The following ADGRL4 variants were observed in gnomAD, a reference collection of about 807,000 sequenced individuals.
ADGRL4 encodes the protein EGF, latrophilin and seven transmembrane domain containing 1.
Under a neutral mutation model 74.8 loss-of-function variants are expected in ADGRL4, and 90 were observed. The observed-to-expected ratio is 1.20, with a 90% CI of 1.02 to 1.43. The LOEUF (loss-of-function observed/expected upper bound fraction) is 1.43. Among genes scored for constraint, ADGRL4 ranks in the 40% most tolerant of loss-of-function variants. The probability of loss-of-function intolerance (pLI) is 0.00; values close to 1 mark genes in which losing one functional copy is unlikely to be tolerated. For missense variants in ADGRL4, 881 were observed against 814.3 expected, an observed-to-expected ratio of 1.08 and a Z score of -1.00; for synonymous variants, 311 against 279.2, an observed-to-expected ratio of 1.11 and a Z score of -1.14.
chr1:78,971,859 G>T (rs2100718071), intron 2 of ADGRL4, among the ~76,000 whole-genome samples: 1 of 152,232 alleles, frequency 6.6e-6, no homozygotes, highest in South Asian at 2.1e-4. Context: ...AGGTTCAAGT[G>T]GTTCTCCTGC....
rs140514865 is a variant in ADGRL4, at chr1:78,962,868, C to T, written c.173-16442G>A. On this transcript the variant is annotated intron_variant, in intron 2 of 14. Coordinates refer to ENST00000370742, the MANE Select transcript of ADGRL4 (RefSeq NM_022159.4). Reference sequence around the variant, plus strand: ...TACACAAAACTAAGCAAGCAACAAACGGATTAGGATAAAATAGGGTGCCAA... The same window carrying T: ...TACACAAAACTAAGCAAGCAACAAATGGATTAGGATAAAATAGGGTGCCAA... Among the ~76,000 whole-genome samples the T allele has an allele frequency of 3.1e-3, 474 of 151,922 alleles. 1 individual carries two copies. Among genetic ancestry groups the T allele is most frequent in the African/African-American group, 0.011 (458 of 41,422 alleles).
At chr1:78,942,471 A>T (rs980733438) in intron 3 of ADGRL4, among the ~76,000 whole-genome samples, 3 of 152,204 alleles carry the variant, frequency 2.0e-5, no homozygotes, top group Non-Finnish European at 4.4e-5. Flanking sequence ...TCCTATCTTA[A>T]TGAAAGCTAA....
chr1:78,953,564 C>T (rs1215240749), intron 2 of ADGRL4, among the ~76,000 whole-genome samples: 3 of 152,128 alleles, frequency 2.0e-5, no homozygotes, highest in South Asian at 2.1e-4. Context: ...CTAGAGAAAC[C>T]GTTCTCTGAA....
At chr1:78,998,432 C>T (rs1378355115) in intron 2 of ADGRL4, among the ~76,000 whole-genome samples, 2 of 140,496 alleles carry the variant, frequency 1.4e-5, no homozygotes, top group Non-Finnish European at 3.0e-5. Context: ...TGCAGTGGCA[C>T]GATCTCGGCT....
intron 2 of ADGRL4, among the ~76,000 whole-genome samples, chr1:78,967,665 C>T (rs1650082965): frequency 6.6e-6 from 1 of 152,096 alleles, no homozygotes. Context: ...TCTGTGTGAA[C>T]ATACTGACTA....
intron 2 of ADGRL4, among the ~76,000 whole-genome samples, chr1:78,949,707 C>T (rs937391152): frequency 3.3e-5 from 5 of 152,098 alleles, no homozygotes; most frequent in Admixed American, 6.6e-5. Flanking sequence ...GCTTCTTGGG[C>T]ACTCTTATTT....
chr1:78,950,586 T>A (rs1451624376), intron 2 of ADGRL4, among the ~76,000 whole-genome samples: 1 of 152,132 alleles, frequency 6.6e-6, no homozygotes, highest in Non-Finnish European at 1.5e-5. Context: ...AGGGAATATT[T>A]CAGAAATATT....
chr1:78,986,508 G>A lies in ADGRL4; in HGVS notation c.172+18562C>T, dbSNP rs983684282. On this transcript the variant is annotated intron_variant, in intron 2 of 14. Transcript: ENST00000370742. Reference sequence around the variant, plus strand: ...GGTACATAGACACAGCTACTCTGGAGGCTGAGAAGAAAGAATCACCTGAAC... The same window carrying A: ...GGTACATAGACACAGCTACTCTGGAAGCTGAGAAGAAAGAATCACCTGAAC... Among the ~76,000 whole-genome samples the A allele has an allele frequency of 1.8e-4, 28 of 151,694 alleles. 1 individual carries two copies. The highest frequency in any genetic ancestry group is 4.4e-5 in the Non-Finnish European group (3 of 67,834).
At chr1:78,973,823 T>G (rs982957562) in intron 2 of ADGRL4, among the ~76,000 whole-genome samples, 1 of 152,004 alleles carries the variant, frequency 6.6e-6, no homozygotes, top group African/African-American at 2.4e-5. Flanking sequence ...TATATACTCT[T>G]GTATTCTGTA....
At chr1:78,996,845 G>A (rs1441423782) in intron 2 of ADGRL4, among the ~76,000 whole-genome samples, 1 of 152,116 alleles carries the variant, frequency 6.6e-6, no homozygotes, top group East Asian at 1.9e-4. Flanking sequence ...CTTTAGGTTT[G>A]TTTCACAGGA....
chr1:78,977,741 T>C (rs1362062591), intron 2 of ADGRL4, among the ~76,000 whole-genome samples: 2 of 151,788 alleles, frequency 1.3e-5, no homozygotes, highest in Non-Finnish European at 2.9e-5. Flanking sequence ...GTGCCTTTTT[T>C]TTCATCTGGC....
At chr1:78,976,370 A>G (rs1437700066) in intron 2 of ADGRL4, among the ~76,000 whole-genome samples, 1 of 152,002 alleles carries the variant, frequency 6.6e-6, no homozygotes, top group Non-Finnish European at 1.5e-5. Flanking sequence ...AATGTTTAAT[A>G]GAATTGGGCT....
chr1:78,971,003 C>T (rs766796870), intron 2 of ADGRL4, among the ~76,000 whole-genome samples: 1 of 152,130 alleles, frequency 6.6e-6, no homozygotes, highest in Non-Finnish European at 1.5e-5. Context: ...TTTGAGCCAT[C>T]CTTACCCCTC....
intron 2 of ADGRL4, among the ~76,000 whole-genome samples, chr1:78,979,660 A>G (rs1423659837): frequency 1.3e-5 from 2 of 151,966 alleles, no homozygotes; most frequent in African/African-American, 4.8e-5. Context: ...AGTGCCCATC[A>G]GCCAATGAGT....
chr1:78,904,685 T>C (rs1160608783), intron 12 of ADGRL4, among the ~76,000 whole-genome samples: 14 of 152,012 alleles, frequency 9.2e-5, no homozygotes, highest in Admixed American at 9.2e-4. Context: ...AAATGGACCT[T>C]AGAGCCACAT....
chr1:78,977,873 C>T (rs1178154021), intron 2 of ADGRL4, among the ~76,000 whole-genome samples: 1 of 151,860 alleles, frequency 6.6e-6, no homozygotes, highest in Non-Finnish European at 1.5e-5. Flanking sequence ...TCACCCACAT[C>T]ATGTATGTGT....
At chr1:78,913,876 C>T (rs78038280) in intron 12 of ADGRL4, among the ~76,000 whole-genome samples, 2,842 of 151,806 alleles carry the variant, frequency 0.019, 112 homozygotes, top group African/African-American at 0.065. Flanking sequence ...AGCAAGGCCC[C>T]GACTATAAAC....
At chr1:78,893,938 T>G (rs1648341513) in intron 12 of ADGRL4, among the ~76,000 whole-genome samples, 1 of 151,878 alleles carries the variant, frequency 6.6e-6, no homozygotes, top group South Asian at 2.1e-4. Flanking sequence ...AAGTCATATT[T>G]GCAGTGTTAG....
intron 7 of ADGRL4, among the ~76,000 whole-genome samples, chr1:78,931,645 A>G (rs1327791264): frequency 6.6e-6 from 1 of 151,308 alleles, no homozygotes; most frequent in Non-Finnish European, 1.5e-5. Context: ...CAAATTGGAT[A>G]AAGAGTTGAG....
Sources: gnomAD v4.1 joint callset for allele counts (sites outside exome capture counted in the v4.1 genomes callset) on GRCh38, gnomAD v4.1.1 for gene constraint, MANE v1.5 for transcripts, NCBI Gene and HGNC (gene_info 2026-07-23, HGNC 2026-07-21) for gene names.